GRHL3: variants seen among roughly 807,000 people sequenced by gnomAD.
GRHL3 encodes grainyhead-like protein 3 homolog.
GRHL3 carries 20 observed loss-of-function variants against 70.3 expected under a neutral mutation model. The observed-to-expected ratio is 0.28, with a 90% CI of 0.20 to 0.41. GRHL3 has a LOEUF of 0.41. Among genes scored for constraint, GRHL3 ranks in the 10% least tolerant of loss-of-function variants. GRHL3 has a pLI of 1.00. For synonymous variants in GRHL3, 299 were observed against 299.9 expected, an observed-to-expected ratio of 1.00 and a Z score of 0.03; for missense variants, 637 against 762.3, an observed-to-expected ratio of 0.84 and a Z score of 1.94.
Position 24,345,064 on chromosome 1 carries a change from C to T in GRHL3, c.1454+133C>T, listed in dbSNP as rs1640207165. On this transcript the variant is annotated intron_variant, in intron 12 of 15. Transcript: ENST00000361548. ...TGCCCCCTCCACACCTGTGCCCCTC[C>T]ACACCTGTGCCCCCTCTACACCTGT... 136 of 637,488 alleles carry T rather than the reference C, an allele frequency of 2.1e-4. 3 individuals are homozygous for T. Among genetic ancestry groups the T allele is most frequent in the Middle Eastern group, 1.8e-3 (4 of 2,182 alleles). 39.5% of individuals were successfully genotyped at this position (637,488 alleles called of 1,614,324 possible). A position where few individuals can be genotyped will look rare whatever the true frequency, so the allele number is the denominator to read the frequency against.
At chr1:24,360,873 A>G (rs1313321792) in intron 15 of GRHL3, 1 of 1,613,146 alleles carries the variant, frequency 6.2e-7, no homozygotes, top group African/African-American at 1.3e-5. Context: ...GGCCTGGCTG[A>G]GGCGGCGCCG....
chr1:24,344,898 C>A lies in GRHL3; in HGVS notation c.1421C>A (p.Ala474Glu). 1 of 1,613,654 alleles carries A rather than the reference C, an allele frequency of 6.2e-7. No homozygotes were observed. The highest frequency in any genetic ancestry group is 8.5e-7 in the Non-Finnish European group (1 of 1,179,726). The change falls in exon 12 of 16, where the codon GCA becomes GAA. Residue 474 changes from alanine to glutamate, a missense_variant and splice_region_variant. Physicochemically the swap from Ala to Glu is moderately radical, Grantham distance 107. Transcript: ENST00000361548. Reference protein sequence around the residue: ...HFSSLQRSGGAAPSAGPSSSN... With the variant: ...HFSSLQRSGGEAPSAGPSSSN... ...AATGTCTTTTTCACTTCATTGCAGG[C>A]AGCCCCCTCGGCAGGACCCAGCAGC...
chr1:24,337,836 T>A (rs754797627), intron 6 of GRHL3, 47 bp downstream of exon 6: 1 of 1,612,282 alleles, frequency 6.2e-7, no homozygotes, highest in Admixed American at 1.7e-5. Context: ...TGGGGCAAGA[T>A]ATACCTCCTC....
chr1:24,344,798 C>A, intron 11 of GRHL3, 99 bp from the exon 12 acceptor site: 1 of 1,362,436 alleles, frequency 7.3e-7, no homozygotes, highest in Non-Finnish European at 1.1e-6. Flanking sequence ...TTCTCCCCAC[C>A]TCCCACCAAA....
chr1:24,332,544 C>T (rs1639650697), intron 2 of GRHL3, among the ~76,000 whole-genome samples: 1 of 152,206 alleles, frequency 6.6e-6, no homozygotes, highest in African/African-American at 2.4e-5. Flanking sequence ...GCTGCAGAAT[C>T]TTTGTCAATG....
exon 16 of GRHL3, chr1:24,364,221 C>A (rs1248390232): frequency 1.3e-6 from 2 of 1,541,668 alleles, no homozygotes; most frequent in Non-Finnish European, 8.7e-7. Flanking sequence ...TGTCTCGCCA[C>A]CCCCCACCTG....
intron 2 of GRHL3, among the ~76,000 whole-genome samples, chr1:24,332,745 C>A (rs778063854): frequency 6.6e-6 from 1 of 152,184 alleles, no homozygotes; most frequent in Non-Finnish European, 1.5e-5. Context: ...AACTTACTAG[C>A]CCAAGAAGTG....
chr1:24,359,859 C>A (rs1052644749), downstream of GRHL3, among the ~76,000 whole-genome samples: 21 of 152,208 alleles, frequency 1.4e-4, no homozygotes, highest in African/African-American at 4.8e-4. This position sits in a 1 kb window ranked among gnomAD's most constrained non-coding sequence, Gnocchi z 5.3. Context: ...AGAGGCCGCC[C>A]ACTGGACTGA....
chr1:24,357,045 G>GC (rs1277466920), downstream of GRHL3: 15 of 96,096 alleles, frequency 1.6e-4, no homozygotes, highest in South Asian at 3.0e-4. Flanking sequence ...TTAAAATTAA[G>GC]GCCCCCCCCC....
chr1:24,358,436 G>T (rs747205320), downstream of GRHL3: 26 of 952,636 alleles, frequency 2.7e-5, no homozygotes, highest in South Asian at 2.8e-4. Context: ...CACCCCCCAA[G>T]TTGTCAGCTG....
Position 24,354,437 on chromosome 1 carries a change from G to A in GRHL3, c.1758G>A (p.Leu586=). The A allele has an allele frequency of 6.2e-7, 1 of 1,613,952 alleles. No individual in the cohort carries two copies. The highest frequency in any genetic ancestry group is 1.1e-5 in the South Asian group (1 of 91,074). The change falls in exon 16 of 16, where the codon CTG becomes CTA. Residue 586 remains leucine (L), a synonymous_variant. Coordinates refer to ENST00000361548, the MANE Select transcript of GRHL3 (RefSeq NM_198173.3). ...ACAGCAACCACGTCGCCTTCCTGCT[G>A]GACATGGGGGAGCTGGACGGCAAAA... ...QHYSNHVAFL[L]DMGELDGKIQ... is the part of the protein sequence containing the mutation.
exon 16 of GRHL3, chr1:24,364,374 C>A: frequency 6.5e-7 from 1 of 1,536,364 alleles, no homozygotes; most frequent in Non-Finnish European, 8.8e-7. Flanking sequence ...CGGAATGACA[C>A]ACCCACCTGG....
chr1:24,346,690 AC>A, intron 13 of GRHL3, 49 bp downstream of exon 13: 1 of 1,404,162 alleles, frequency 7.1e-7, no homozygotes, highest in Non-Finnish European at 1.0e-6. Context: ...CCCAGCTCCC[AC>A]CTCCCTCATG....
chr1:24,336,527 A>G lies in GRHL3; in HGVS notation c.312A>G (p.Glu104=). Residue 104 remains glutamate, a synonymous_variant, in exon 4 of 16, where the codon GAA becomes GAG. Coordinates refer to ENST00000361548, the MANE Select transcript of GRHL3 (RefSeq NM_198173.3). The stretch of plus-strand genomic sequence containing the variant: ...ATGAGACGGACCTCACTCCCCTTGA[A>G]AGCCCCACACACCTCATGAAATTCC... The part of the protein sequence containing the change: ...MEYETDLTPL[E]SPTHLMKFLT... The G allele has an allele frequency of 6.2e-7, 1 of 1,607,216 alleles. No homozygotes were observed. Among genetic ancestry groups the G allele is most frequent in the Non-Finnish European group, 8.5e-7 (1 of 1,175,894 alleles).
intron 11 of GRHL3, among the ~76,000 whole-genome samples, chr1:24,344,222 G>A (rs143403477): frequency 1.0e-3 from 158 of 152,204 alleles, no homozygotes; most frequent in African/African-American, 3.6e-3. Context: ...CCTGCCGGGC[G>A]TGTCATCTCT....
intron 11 of GRHL3, chr1:24,343,239 C>T (rs548323485): frequency 1.4e-4 from 74 of 544,802 alleles, no homozygotes; most frequent in South Asian, 6.0e-4. Flanking sequence ...AAACAGATTT[C>T]GTAACCATTA....
chr1:24,343,485 C>A (rs1396818560), intron 11 of GRHL3, among the ~76,000 whole-genome samples: 3 of 152,156 alleles, frequency 2.0e-5, no homozygotes, highest in Non-Finnish European at 4.4e-5. Flanking sequence ...AGTTAAGAAA[C>A]CTCCTGAGAT....
chr1:24,361,845 C>G (rs1641140051), intron 15 of GRHL3, among the ~76,000 whole-genome samples: 1 of 152,162 alleles, frequency 6.6e-6, no homozygotes, highest in African/African-American at 2.4e-5. Flanking sequence ...GTTTCCCCAT[C>G]TGTAAAAGGA....
At position 24,322,704 on chromosome 1, in the gene GRHL3, A is replaced by G. The variant is rs1639247988; in HGVS notation, c.17+3136A>G. On this transcript the variant is annotated intron_variant, in intron 1 of 15. Coordinates refer to ENST00000361548, the MANE Select transcript of GRHL3 (RefSeq NM_198173.3). This position sits in a 1 kb window ranked among gnomAD's most constrained non-coding sequence, Gnocchi z 4.4. Reference sequence around the variant, plus strand: ...CGGTCGGCAGAGCTCCCACTGACCCACCGGAGGAGTGAAGAGGGAAAACGG... The same window carrying G: ...CGGTCGGCAGAGCTCCCACTGACCCGCCGGAGGAGTGAAGAGGGAAAACGG... Among the ~76,000 whole-genome samples the G allele has an allele frequency of 1.3e-5, 2 of 152,194 alleles. No homozygotes were observed. The highest frequency in any genetic ancestry group is 1.3e-4 in the Admixed American group (2 of 15,282).
Sources: allele counts gnomAD v4.1 joint callset (sites outside exome capture counted in the v4.1 genomes callset), GRCh38; gene constraint gnomAD v4.1.1; non-coding constraint Gnocchi (gnomAD v3.1); transcripts MANE v1.5; gene names NCBI Gene and HGNC (gene_info 2026-07-23, HGNC 2026-07-21).